Variants in TLE4 observed in about 807,000 individuals in gnomAD.
The protein encoded by TLE4 is transducin-like enhancer protein 4.
TLE4 carries 8 observed loss-of-function variants against 92.8 expected under a neutral mutation model. That is an observed-to-expected ratio of 0.09 (90% CI 0.05 to 0.16). The LOEUF is 0.16. Among genes scored for constraint, TLE4 ranks in the 10% least tolerant of loss-of-function variants. TLE4 has a pLI of 1.00. For synonymous variants in TLE4, 371 were observed against 374.1 expected, an observed-to-expected ratio of 0.99 and a Z score of 0.10; for missense variants, 675 against 997.6, an observed-to-expected ratio of 0.68 and a Z score of 4.36.
chr9:79,685,718 A>G (rs1385287438), intron 8 of TLE4, among the ~76,000 whole-genome samples: 1 of 152,228 alleles, frequency 6.6e-6, no homozygotes, highest in Non-Finnish European at 1.5e-5. Flanking sequence ...ATGTCTGAAC[A>G]TCACTTATCC....
chr9:79,588,442 C>T (rs2041753634), intron 4 of TLE4, among the ~76,000 whole-genome samples: 1 of 152,158 alleles, frequency 6.6e-6, no homozygotes, highest in Middle Eastern at 3.2e-3. Flanking sequence ...AGCCACCGCG[C>T]CCGGCCTATC....
intron 19 of TLE4, among the ~76,000 whole-genome samples, chr9:79,724,131 G>A (rs2076071158): frequency 6.6e-6 from 1 of 151,158 alleles, no homozygotes; most frequent in Non-Finnish European, 1.5e-5. Flanking sequence ...TTTTTACAGT[G>A]GGAACATTAG....
At chr9:79,700,949 A>C (rs1365704478) in intron 8 of TLE4, among the ~76,000 whole-genome samples, 2 of 152,232 alleles carry the variant, frequency 1.3e-5, no homozygotes, top group Admixed American at 1.3e-4. Context: ...AGCTTCAGTA[A>C]GTTTCTTATG....
intron 5 of TLE4, among the ~76,000 whole-genome samples, chr9:79,621,815 T>C (rs914571792): frequency 6.6e-6 from 1 of 152,188 alleles, no homozygotes; most frequent in African/African-American, 2.4e-5. Flanking sequence ...AAAGGCCTTT[T>C]CCAGTTCTGA....
At chr9:79,640,468 T>C (rs932002662) in intron 6 of TLE4, among the ~76,000 whole-genome samples, 1 of 152,036 alleles carries the variant, frequency 6.6e-6, no homozygotes, top group Admixed American at 6.6e-5. Context: ...TATAAGTTTC[T>C]AATCTGAAAA....
intron 9 of TLE4, 106 bp downstream of exon 9, chr9:79,705,008 C>A: frequency 6.7e-7 from 1 of 1,481,606 alleles, no homozygotes; most frequent in Non-Finnish European, 9.1e-7. Flanking sequence ...AGGATAACAT[C>A]CTTTAGGAGA....
intron 5 of TLE4, among the ~76,000 whole-genome samples, chr9:79,617,185 G>A (rs1041191200): frequency 6.6e-6 from 1 of 152,158 alleles, no homozygotes; most frequent in Non-Finnish European, 1.5e-5. Flanking sequence ...AGGCCTTGCA[G>A]CTCCAGTAGC....
intron 4 of TLE4, among the ~76,000 whole-genome samples, chr9:79,607,892 T>C (rs2047465012): frequency 6.6e-6 from 1 of 152,098 alleles, no homozygotes; most frequent in Non-Finnish European, 1.5e-5. Context: ...GCTTTTTTTT[T>C]GGTTCCATAT....
chr9:79,627,233 CCTCAGG>C, intron 5 of TLE4, 135 bp from the exon 6 acceptor site: 2 of 798,514 alleles, frequency 2.5e-6, no homozygotes, highest in Non-Finnish European at 4.2e-6. Context: ...TCATCCATCA[CCTCAGG>C]CTTGTATTGG....
chr9:79,594,698 G>C (rs1298888057), intron 4 of TLE4, among the ~76,000 whole-genome samples: 1 of 152,030 alleles, frequency 6.6e-6, no homozygotes, highest in Non-Finnish European at 1.5e-5. Flanking sequence ...AGATACTTAG[G>C]CTTTTGTATT....
In TLE4 at chr9:79,597,747, T is replaced by C. The variant is rs181150876; in HGVS notation, c.253-14909T>C. 1.1e-3 allele frequency among the ~76,000 whole-genome samples: 170 copies of C among 152,336 alleles called. 1 individual carries two copies. Among genetic ancestry groups the C allele is most frequent in the Admixed American group, 2.1e-3 (32 of 15,300 alleles). ...TTCTGGTATCAACTCCCAGTTACTC[T>C]TGCATTTGTTTACTTTTCTCCAGCT... On this transcript the variant is annotated intron_variant, in intron 4 of 19. Coordinates refer to ENST00000376552, the MANE Select transcript of TLE4 (RefSeq NM_007005.6).
In TLE4 at chr9:79,705,988, C is replaced by CA. The variant is rs777822895; in HGVS notation, c.783+49dup. On this transcript the variant is annotated intron_variant, in intron 10 of 19. Coordinates refer to ENST00000376552, the MANE Select transcript of TLE4 (RefSeq NM_007005.6). ...ATTTTTTGCACTTGCCCAGCCATAT[C>CA]AAAGACTAGTTGCCCAAACAATTAG... 6 of 1,553,132 alleles carry CA rather than the reference C, an allele frequency of 3.9e-6. No homozygotes were observed. In the African/African-American group the frequency reaches 4.1e-5, roughly 11 times the overall value.
intron 4 of TLE4, among the ~76,000 whole-genome samples, chr9:79,609,839 A>G (rs990097235): frequency 2.6e-5 from 4 of 152,062 alleles, no homozygotes; most frequent in African/African-American, 9.7e-5. Context: ...CACATCACCT[A>G]TAAATTTGAT....
chr9:79,708,505 A>G, intron 12 of TLE4, 88 bp from the exon 13 acceptor site: 1 of 1,295,304 alleles, frequency 7.7e-7, no homozygotes. Flanking sequence ...CATTTGAACC[A>G]TAGATTCTAT....
chr9:79,659,959 T>C (rs2060296272), intron 8 of TLE4, among the ~76,000 whole-genome samples: 3 of 152,210 alleles, frequency 2.0e-5, no homozygotes, highest in Admixed American at 2.0e-4. Flanking sequence ...TTTCTAGATA[T>C]CTTACTCCCT....
chr9:79,722,106 A>G (rs148574169), intron 17 of TLE4, among the ~76,000 whole-genome samples: 1,657 of 152,272 alleles, frequency 0.011, 25 homozygotes, highest in African/African-American at 0.034. Flanking sequence ...CAGTGGTTGC[A>G]CTGAGCTGAG....
intron 8 of TLE4, chr9:79,663,481 C>T (rs947563757): frequency 6.6e-6 from 1 of 152,232 alleles, no homozygotes; most frequent in African/African-American, 2.4e-5. Flanking sequence ...GCAGAGAGTT[C>T]TATTGGATGA....
intron 4 of TLE4, among the ~76,000 whole-genome samples, chr9:79,584,669 T>G (rs2040610708): frequency 6.6e-6 from 1 of 152,220 alleles, no homozygotes; most frequent in Admixed American, 6.5e-5. Flanking sequence ...ATGTGTGATT[T>G]AATATTTTTA....
chr9:79,684,545 C>T (rs1374649780), intron 8 of TLE4, among the ~76,000 whole-genome samples: 2 of 152,082 alleles, frequency 1.3e-5, no homozygotes, highest in African/African-American at 2.4e-5. Context: ...TTAACTATTG[C>T]CTGATGATCT....
Sources: allele counts gnomAD v4.1 joint callset (sites outside exome capture counted in the v4.1 genomes callset), GRCh38; gene constraint gnomAD v4.1.1; transcripts MANE v1.5; gene names NCBI Gene and HGNC (gene_info 2026-07-23, HGNC 2026-07-21).